Variants in LAMA2 observed in about 807,000 individuals in gnomAD.
LAMA2 encodes laminin subunit alpha 2.
A neutral mutation model predicts 364.8 loss-of-function variants in LAMA2; 269 were observed. The observed-to-expected ratio is 0.74, with a 90% CI of 0.67 to 0.82. The LOEUF is 0.82. Among genes scored for constraint, LAMA2 ranks in the 40% least tolerant of loss-of-function variants. The pLI, the probability that LAMA2 is intolerant of heterozygous loss-of-function variation, is 0.00. For synonymous variants in LAMA2, 1,379 were observed against 1,370.6 expected, an observed-to-expected ratio of 1.01 and a Z score of -0.14; for missense variants, 3,807 against 3,873.2, an observed-to-expected ratio of 0.98 and a Z score of 0.45.
chr6:129,165,390 G>C (rs1454593564), intron 8 of LAMA2, among the ~76,000 whole-genome samples, 186 bp from the exon 9 acceptor site: 1 of 151,940 alleles, frequency 6.6e-6, no homozygotes, highest in African/African-American at 2.4e-5. Flanking sequence ...CTTTACTTTT[G>C]TGTAAGCATG....
chr6:129,217,665 T>G (rs145461377), intron 12 of LAMA2, among the ~76,000 whole-genome samples: 199 of 152,348 alleles, frequency 1.3e-3, no homozygotes, highest in African/African-American at 4.6e-3. Flanking sequence ...GTTATTTATA[T>G]TTATGTGGTT....
At chr6:129,103,892 G>C (rs1775670004) in intron 4 of LAMA2, among the ~76,000 whole-genome samples, 1 of 151,966 alleles carries the variant, frequency 6.6e-6, no homozygotes, top group African/African-American at 2.4e-5. Flanking sequence ...ACTGTGATTT[G>C]TAATGTATAT....
At chr6:129,360,403 G>A (rs1304004119) in intron 32 of LAMA2, among the ~76,000 whole-genome samples, 1 of 152,044 alleles carries the variant, frequency 6.6e-6, no homozygotes, top group Non-Finnish European at 1.5e-5. Context: ...GAAATATTTT[G>A]TGTCAGAATA....
intron 51 of LAMA2, among the ~76,000 whole-genome samples, chr6:129,467,890 T>A (rs934086656): frequency 2.0e-5 from 3 of 151,890 alleles, no homozygotes; most frequent in African/African-American, 7.2e-5. Context: ...GTCTAATTTT[T>A]CCAGATTTTA....
At chr6:129,368,400 A>C (rs1777892444) in intron 33 of LAMA2, among the ~76,000 whole-genome samples, 5 of 152,246 alleles carry the variant, frequency 3.3e-5, no homozygotes. Context: ...TCAGTGAGGC[A>C]GGGTGATATG....
At chr6:129,423,636 GA>G (rs920962889) in intron 40 of LAMA2, among the ~76,000 whole-genome samples, 2 of 152,036 alleles carry the variant, frequency 1.3e-5, no homozygotes, top group African/African-American at 4.8e-5. Flanking sequence ...ATCTATATGT[GA>G]AAATCAGTCA....
At chr6:128,937,193 C>G (rs1018288913) in intron 1 of LAMA2, among the ~76,000 whole-genome samples, 2 of 152,096 alleles carry the variant, frequency 1.3e-5, no homozygotes, top group Non-Finnish European at 2.9e-5. Flanking sequence ...TTGAATTATC[C>G]ATTTATTCCA....
At chr6:128,921,852 T>TCCCCCCCCC (rs1778757272) in intron 1 of LAMA2, among the ~76,000 whole-genome samples, 1 of 116,338 alleles carries the variant, frequency 8.6e-6, no homozygotes, top group Non-Finnish European at 1.7e-5. Context: ...TGCTATCCCT[T>TCCCCCCCCC]CCCCCTCCCC....
chr6:128,905,981 T>G lies in LAMA2; in HGVS notation c.112+22624T>G, dbSNP rs1044292936. 4.6e-5 allele frequency among the ~76,000 whole-genome samples: 7 copies of G among 150,662 alleles called. 1 individual carries two copies. The highest frequency in any genetic ancestry group is 1.7e-4 in the African/African-American group (7 of 41,164). On this transcript the variant is annotated intron_variant, in intron 1 of 64. Transcript: ENST00000421865. Reference sequence around the variant, plus strand: ...ACATGAACTCATCATTTTTTATGGCTGCATAGTATTCCATGGTGTATATGT... The same window carrying G: ...ACATGAACTCATCATTTTTTATGGCGGCATAGTATTCCATGGTGTATATGT...
chr6:129,169,642 G>A lies in LAMA2; in HGVS notation c.1306+3967G>A, dbSNP rs1780003830. On this transcript the variant is annotated intron_variant, in intron 9 of 64. Transcript: ENST00000421865. Reference sequence around the variant, plus strand: ...AATTCTCTTTTTTGGTTGTGTCTCTGCCTGGCTTTGGTATCAGAATGATGC... The same window carrying A: ...AATTCTCTTTTTTGGTTGTGTCTCTACCTGGCTTTGGTATCAGAATGATGC... Among the ~76,000 whole-genome samples, 4 of 147,454 alleles carry A rather than the reference G, an allele frequency of 2.7e-5. No homozygotes were observed. In the South Asian group the frequency reaches 8.8e-4, roughly 32 times the overall value.
At chr6:129,181,438 T>C (rs941043542) in intron 10 of LAMA2, among the ~76,000 whole-genome samples, 13 of 151,732 alleles carry the variant, frequency 8.6e-5, no homozygotes, top group Non-Finnish European at 1.6e-4. Flanking sequence ...ATTAGAAGAT[T>C]GAAGAATAAA....
intron 51 of LAMA2, 105 bp downstream of exon 51, chr6:129,465,394 C>G: frequency 9.9e-7 from 1 of 1,005,082 alleles, no homozygotes; most frequent in Non-Finnish European, 1.5e-6. Flanking sequence ...TAGCTACTCA[C>G]GAGTTCAGTG....
At chr6:128,936,052 G>A (rs1162431561) in intron 1 of LAMA2, among the ~76,000 whole-genome samples, 1 of 152,160 alleles carries the variant, frequency 6.6e-6, no homozygotes, top group Non-Finnish European at 1.5e-5. Context: ...TTCCCCCTTC[G>A]CTTGGCACTT....
At chr6:129,374,990 G>A (rs1778292053) in intron 34 of LAMA2, among the ~76,000 whole-genome samples, 1 of 149,638 alleles carries the variant, frequency 6.7e-6, no homozygotes, top group African/African-American at 2.5e-5. Flanking sequence ...GATCCTGCAT[G>A]ACTGCTGTAG....
chr6:129,309,902 A>ATTTTTTTTTTTTTTTTTTTTTTTTTT, intron 22 of LAMA2, among the ~76,000 whole-genome samples: 1 of 135,776 alleles, frequency 7.4e-6, no homozygotes, highest in African/African-American at 2.8e-5. Flanking sequence ...CCTGATAATC[A>ATTTTTTTTTTTTTTTTTTTTTTTTTT]TTTTTTTTTT....
intron 1 of LAMA2, among the ~76,000 whole-genome samples, chr6:129,023,759 C>T (rs1785607439): frequency 6.6e-6 from 1 of 152,180 alleles, no homozygotes; most frequent in South Asian, 2.1e-4. Context: ...TCTTGCCATC[C>T]CAACTTAGTC....
chr6:129,167,705 T>C (rs1018527743), intron 9 of LAMA2, among the ~76,000 whole-genome samples: 2 of 152,152 alleles, frequency 1.3e-5, no homozygotes, highest in African/African-American at 4.8e-5. Flanking sequence ...TCAAAGGGTA[T>C]TTCCAGTTCT....
At chr6:129,080,856 C>A (rs1774005988) in intron 3 of LAMA2, among the ~76,000 whole-genome samples, 1 of 152,146 alleles carries the variant, frequency 6.6e-6, no homozygotes, top group African/African-American at 2.4e-5. Context: ...GGATCTAGAA[C>A]TAGAAATACC....
intron 12 of LAMA2, among the ~76,000 whole-genome samples, chr6:129,248,070 G>T (rs1785897267): frequency 6.6e-6 from 1 of 152,158 alleles, no homozygotes; most frequent in African/African-American, 2.4e-5. Flanking sequence ...GAGCATCACT[G>T]CCTGAGCTCT....
Sources: allele counts gnomAD v4.1 joint callset (sites outside exome capture counted in the v4.1 genomes callset), GRCh38; gene constraint gnomAD v4.1.1; transcripts MANE v1.5; gene names NCBI Gene and HGNC (gene_info 2026-07-23, HGNC 2026-07-21).